Variants in LRRIQ1 observed in about 807,000 individuals in gnomAD.
LRRIQ1 encodes leucine-rich repeat- and IQ domain-containing protein 1.
In LRRIQ1, 210 loss-of-function variants were observed where a neutral mutation model predicts 211.9. The observed-to-expected ratio is 0.99, with a 90% CI of 0.89 to 1.11. The LOEUF (loss-of-function observed/expected upper bound fraction) is 1.11. Among genes scored for constraint, LRRIQ1 ranks in the 50% most tolerant of loss-of-function variants. The pLI, the probability that LRRIQ1 is intolerant of heterozygous loss-of-function variation, is 0.00. For synonymous variants in LRRIQ1, 699 were observed against 650.1 expected (o/e 1.08, Z -1.14); for missense variants, 2,136 against 1,939.5 (o/e 1.10, Z -1.90).
chr12:85,056,786 A>G lies in LRRIQ1; in HGVS notation c.1993A>G (p.Ile665Val). ...GATTTTTAACACAACTGATACCATG[A>G]TAAATATAGAAGGCAAAAGAAATGA... Reference protein sequence around the residue: ...IVIFNTTDTMINIEGKRNDQD... With the variant: ...IVIFNTTDTMVNIEGKRNDQD... Residue 665 changes from isoleucine to valine, a missense_variant, in exon 8 of 27, where the codon ATA becomes GTA. Ile to Val is a conservative substitution (Grantham distance 29). Coordinates refer to ENST00000393217, the MANE Select transcript of LRRIQ1 (RefSeq NM_001079910.2). The G allele has an allele frequency of 6.2e-7, 1 of 1,609,432 alleles. No individual in the cohort carries two copies. Among genetic ancestry groups the G allele is most frequent in the Middle Eastern group, 1.7e-4 (1 of 6,016 alleles).
At chr12:85,259,840 G>A (rs971948723) in intron 1 of LRRIQ1, among the ~76,000 whole-genome samples, 2 of 152,060 alleles carry the variant, frequency 1.3e-5, no homozygotes, top group South Asian at 2.1e-4. Flanking sequence ...ATAGGTTTAC[G>A]TTGTGAGTAA....
intron 19 of LRRIQ1, among the ~76,000 whole-genome samples, chr12:85,151,401 A>G (rs1347684651): frequency 6.6e-6 from 1 of 151,686 alleles, no homozygotes; most frequent in Non-Finnish European, 1.5e-5. Context: ...TTGCATTTAC[A>G]TCCCCTCAGA....
rs534769728 is a variant in LRRIQ1, at chr12:85,044,406, A to G, written c.245-312A>G. 2.0e-5 allele frequency among the ~76,000 whole-genome samples: 3 copies of G among 152,154 alleles called. No individual in the cohort carries two copies. In the South Asian group the frequency reaches 6.2e-4, roughly 32 times the overall value. Reference sequence around the variant, plus strand: ...AGAGTTGAATTTTTGTTGATTTCTAATCAAGATGCCGTTGCAATATCAAGC... The same window carrying G: ...AGAGTTGAATTTTTGTTGATTTCTAGTCAAGATGCCGTTGCAATATCAAGC... On this transcript the variant is annotated intron_variant, in intron 3 of 26. Coordinates refer to ENST00000393217, the MANE Select transcript of LRRIQ1 (RefSeq NM_001079910.2).
At chr12:85,132,304 GAA>G (rs1219131161) in intron 18 of LRRIQ1, among the ~76,000 whole-genome samples, 2 of 152,094 alleles carry the variant, frequency 1.3e-5, no homozygotes, top group Non-Finnish European at 2.9e-5. Flanking sequence ...ATAATCAAGA[GAA>G]AGAGAGCATG....
At chr12:85,222,809 G>A (rs1218703439) in intron 24 of LRRIQ1, among the ~76,000 whole-genome samples, 2 of 152,096 alleles carry the variant, frequency 1.3e-5, no homozygotes, top group African/African-American at 4.8e-5. Flanking sequence ...TTGAGAGGAA[G>A]AGAACCTCTT....
In LRRIQ1 at chr12:85,154,023, A is replaced by G; in HGVS notation, c.4649A>G (p.Asp1550Gly). 2 of 1,559,582 alleles carry G rather than the reference A, an allele frequency of 1.3e-6. No homozygotes were observed. The highest frequency in any genetic ancestry group is 1.7e-6 in the Non-Finnish European group (2 of 1,155,114). Residue 1550 changes from aspartate (D) to glycine (G), a missense_variant, in exon 23 of 27, where the codon GAT (aspartate) becomes GGT (glycine). Physicochemically the swap from Asp to Gly is moderately conservative, Grantham distance 94. Coordinates refer to ENST00000393217, the MANE Select transcript of LRRIQ1 (RefSeq NM_001079910.2). ...KKISEEWGFK[D>G]ISTAQQMLKR... ...TAATCTTTTAATAGGGGCTTTAAGG[A>G]TATTTCTACTGCTCAGCAAATGTTG...
At chr12:85,058,535 G>A (rs1881402381) in intron 8 of LRRIQ1, among the ~76,000 whole-genome samples, 1 of 151,988 alleles carries the variant, frequency 6.6e-6, no homozygotes, top group Admixed American at 6.6e-5. Context: ...TACAGAAACA[G>A]TAGTGTTCCT....
intron 10 of LRRIQ1, among the ~76,000 whole-genome samples, chr12:85,070,687 C>T (rs1008745631): frequency 6.6e-6 from 1 of 151,744 alleles, no homozygotes; most frequent in Non-Finnish European, 1.5e-5. Context: ...CTCTGTTATT[C>T]GTTTTGATAC....
rs1478065393 is a variant in LRRIQ1 at position 85,124,241 on chromosome 12, T to A, written c.3729T>A (p.Thr1243=). 1.9e-6 allele frequency: 3 copies of A among 1,614,032 alleles called. No homozygotes were observed. The highest frequency in any genetic ancestry group is 2.5e-6 in the Non-Finnish European group (3 of 1,179,998). Reference sequence around the variant, plus strand: ...TGGCCCCTACAAACAGTGACAGCACTCTGCAAAATGGAGTCTTCTACTCTT... The same window carrying A: ...TGGCCCCTACAAACAGTGACAGCACACTGCAAAATGGAGTCTTCTACTCTT... The part of the protein sequence containing the change: ...NHLAPTNSDS[T]LQNGVFYSCA... The change falls in exon 17 of 27, where the codon ACT becomes ACA. Residue 1243 remains threonine, a synonymous_variant. Transcript: ENST00000393217.
At chr12:85,243,636 TTGTACA>T (rs1462360061) in intron 26 of LRRIQ1, among the ~76,000 whole-genome samples, 2 of 151,324 alleles carry the variant, frequency 1.3e-5, no homozygotes, top group Non-Finnish European at 3.0e-5. Context: ...AAACATTGTG[TTGTACA>T]TGATACATGT....
Position 85,057,053 on chromosome 12 carries a change from G to T in LRRIQ1, c.2260G>T (p.Glu754Ter), listed in dbSNP as rs2135996255. 1 of 1,608,890 alleles carries T rather than the reference G, an allele frequency of 6.2e-7. No homozygotes were observed. Among genetic ancestry groups the T allele is most frequent in the African/African-American group, 1.3e-5 (1 of 74,496 alleles). Residue 754 changes from glutamate to a stop codon, truncating the protein, a stop_gained, in exon 8 of 27, where the codon GAA becomes TAA. Transcript: ENST00000393217. LOFTEE classifies it high-confidence loss of function. ...GATAAAATCATTTAAACCTTGGCTTGAAATTTTCAAGCAAAATCAACAAAA... is the reference window on the plus strand; with the variant it reads ...GATAAAATCATTTAAACCTTGGCTTTAAATTTTCAAGCAAAATCAACAAAA... ...AWIKSFKPWL[E>*]IFKQNQQKKI...
At chr12:85,238,178 G>A (rs564439071) in intron 26 of LRRIQ1, among the ~76,000 whole-genome samples, 32 of 151,718 alleles carry the variant, frequency 2.1e-4, no homozygotes, top group African/African-American at 7.7e-4. Context: ...GAAGAAAAGT[G>A]CACTCAGAAA....
At chr12:85,144,613 A>G (rs1889765360) in intron 19 of LRRIQ1, among the ~76,000 whole-genome samples, 1 of 151,626 alleles carries the variant, frequency 6.6e-6, no homozygotes, top group Non-Finnish European at 1.5e-5. Context: ...ATAAAGGAAG[A>G]GAAAGTTTAC....
intron 11 of LRRIQ1, among the ~76,000 whole-genome samples, chr12:85,092,646 C>T (rs1247347932): frequency 6.6e-6 from 1 of 152,270 alleles, no homozygotes; most frequent in Non-Finnish European, 1.5e-5. Flanking sequence ...TAATATTTGG[C>T]ATCTGGCTAT....
downstream of LRRIQ1, among the ~76,000 whole-genome samples, chr12:85,267,358 C>T (rs112805569): frequency 1.8e-3 from 278 of 151,808 alleles, 2 homozygotes; most frequent in African/African-American, 6.3e-3. Context: ...TTGTCTTACA[C>T]GAGAAAATTT....
intron 24 of LRRIQ1, among the ~76,000 whole-genome samples, chr12:85,174,706 A>AAAAAAAAAAAC (rs1891599843): frequency 6.7e-6 from 1 of 148,182 alleles, no homozygotes; most frequent in Non-Finnish European, 1.5e-5. Flanking sequence ...CAGCTCAAAA[A>AAAAAAAAAAAC]AAAAAAAAAA....
chr12:85,050,444 A>G (rs1343769591), intron 6 of LRRIQ1, among the ~76,000 whole-genome samples: 1 of 152,218 alleles, frequency 6.6e-6, no homozygotes, highest in African/African-American at 2.4e-5. Context: ...AACTTTATGT[A>G]TCTAAAACTG....
intron 24 of LRRIQ1, among the ~76,000 whole-genome samples, chr12:85,207,358 G>A (rs1303388136): frequency 2.0e-5 from 3 of 151,904 alleles, no homozygotes; most frequent in Admixed American, 6.6e-5. Flanking sequence ...CATATGGTTG[G>A]CCATCATGTG....
At chr12:85,045,964 A>G in intron 4 of LRRIQ1, 56 bp from the exon 5 acceptor site, 1 of 948,660 alleles carries the variant, frequency 1.1e-6, no homozygotes, top group South Asian at 1.7e-5. Flanking sequence ...TTAAAACGAC[A>G]GCTTTACTCT....
Sources: gnomAD v4.1 joint callset for allele counts (sites outside exome capture counted in the v4.1 genomes callset) on GRCh38, gnomAD v4.1.1 for gene constraint, MANE v1.5 for transcripts, NCBI Gene and HGNC (gene_info 2026-07-23, HGNC 2026-07-21) for gene names.